The following TTC29 variants were observed in gnomAD, a reference collection of about 807,000 sequenced individuals.
TTC29 encodes tetratricopeptide repeat protein 29.
A neutral mutation model predicts 58.1 loss-of-function variants in TTC29; 49 were observed. The observed-to-expected ratio is 0.84, with a 90% CI of 0.67 to 1.07. The LOEUF (loss-of-function observed/expected upper bound fraction) is 1.07. Ranked by LOEUF, TTC29 falls within the 50% of genes least tolerant of loss-of-function variation. TTC29 has a pLI of 0.00. For synonymous variants in TTC29, 209 were observed against 196.8 expected (o/e 1.06, Z -0.52); for missense variants, 582 against 555.6 (o/e 1.05, Z -0.48).
At chr4:146,911,543 G>A (rs1733898078) in intron 4 of TTC29, among the ~76,000 whole-genome samples, 1 of 152,212 alleles carries the variant, frequency 6.6e-6, no homozygotes, top group African/African-American at 2.4e-5. Flanking sequence ...TTGTCTCACA[G>A]TGCTGTGAAA....
intron 11 of TTC29, among the ~76,000 whole-genome samples, chr4:146,778,143 C>CTTTTA (rs150660995): frequency 0.13 from 19,032 of 151,888 alleles, 1,956 homozygotes; most frequent in African/African-American, 0.28. Flanking sequence ...TATTTATGTT[C>CTTTTA]TTTATTTCCT....
chr4:146,728,184 G>A (rs1743930225), intron 11 of TTC29, among the ~76,000 whole-genome samples: 1 of 151,934 alleles, frequency 6.6e-6, no homozygotes, highest in Non-Finnish European at 1.5e-5. Context: ...CTACTCAGGA[G>A]GCTGAGGCAG....
At chr4:146,917,501 A>T (rs1172761005) in intron 4 of TTC29, among the ~76,000 whole-genome samples, 1 of 147,010 alleles carries the variant, frequency 6.8e-6, no homozygotes, top group African/African-American at 2.4e-5. Context: ...ATATTGTGAT[A>T]TGCTTATATT....
chr4:146,861,315 T>G (rs1171224521), intron 8 of TTC29, among the ~76,000 whole-genome samples: 4 of 152,154 alleles, frequency 2.6e-5, no homozygotes, highest in Non-Finnish European at 5.9e-5. Context: ...CTCTTAAAAT[T>G]TGGAATTTAC....
intron 11 of TTC29, among the ~76,000 whole-genome samples, chr4:146,744,814 T>C (rs1363202866): frequency 1.3e-5 from 2 of 152,220 alleles, no homozygotes; most frequent in Non-Finnish European, 2.9e-5. Context: ...ATGTCTGGCT[T>C]ACAGTTTCTA....
At chr4:146,908,653 T>G (rs1013051737) in intron 5 of TTC29, among the ~76,000 whole-genome samples, 3 of 152,198 alleles carry the variant, frequency 2.0e-5, no homozygotes, top group Non-Finnish European at 2.9e-5. Context: ...ATTTTCAAGT[T>G]ATAGTACTCT....
At chr4:146,871,363 A>C (rs1024564201) in intron 7 of TTC29, among the ~76,000 whole-genome samples, 4 of 151,950 alleles carry the variant, frequency 2.6e-5, no homozygotes, top group Non-Finnish European at 5.9e-5. Context: ...TCTACAAAAA[A>C]ACCCTCAGTA....
intron 4 of TTC29, among the ~76,000 whole-genome samples, chr4:146,925,638 A>C (rs1351320931): frequency 1.3e-5 from 2 of 152,140 alleles, no homozygotes; most frequent in Non-Finnish European, 2.9e-5. Flanking sequence ...CCTTAAGCCA[A>C]ACTAACTTTT....
At chr4:146,885,542 A>G (rs1731925884) in intron 6 of TTC29, among the ~76,000 whole-genome samples, 1 of 152,052 alleles carries the variant, frequency 6.6e-6, no homozygotes, top group Non-Finnish European at 1.5e-5. Flanking sequence ...AAGGCTGTGC[A>G]ATATTTTTGG....
chr4:146,880,386 T>G (rs1731546319), intron 6 of TTC29, among the ~76,000 whole-genome samples: 1 of 152,140 alleles, frequency 6.6e-6, no homozygotes. Context: ...CAAGGGAGTT[T>G]TACTTTATCT....
At chr4:146,817,900 A>G (rs1284612082) in intron 10 of TTC29, among the ~76,000 whole-genome samples, 2 of 152,218 alleles carry the variant, frequency 1.3e-5, no homozygotes, top group African/African-American at 4.8e-5. Flanking sequence ...CTGAAACTGG[A>G]TCCCTTCCTT....
chr4:146,714,910 G>T (rs1253475814), intron 11 of TTC29, among the ~76,000 whole-genome samples: 1 of 152,102 alleles, frequency 6.6e-6, no homozygotes, highest in Non-Finnish European at 1.5e-5. Context: ...GCTTGCTGCA[G>T]CCTTGACCTT....
intron 8 of TTC29, among the ~76,000 whole-genome samples, chr4:146,839,793 A>G (rs910843770): frequency 6.6e-6 from 1 of 151,688 alleles, no homozygotes; most frequent in African/African-American, 2.4e-5. Context: ...ATACCTTGGC[A>G]TCTCTTCTCT....
At chr4:146,861,025 T>C (rs974437846) in intron 8 of TTC29, among the ~76,000 whole-genome samples, 4 of 152,166 alleles carry the variant, frequency 2.6e-5, no homozygotes, top group African/African-American at 9.6e-5. Context: ...TTTCATAGTA[T>C]CATTTTTAAG....
At chr4:146,855,525 A>G (rs1462184252) in intron 8 of TTC29, among the ~76,000 whole-genome samples, 1 of 152,180 alleles carries the variant, frequency 6.6e-6, no homozygotes, top group African/African-American at 2.4e-5. Flanking sequence ...TATTAATGAA[A>G]CTTATGTGTT....
intron 11 of TTC29, among the ~76,000 whole-genome samples, chr4:146,744,989 C>A (rs150421115): frequency 1.2e-4 from 18 of 152,158 alleles, no homozygotes; most frequent in Non-Finnish European, 1.6e-4. Context: ...GAATCCCTGT[C>A]ATTCATCATC....
chr4:146,903,314 A>G (rs1733281851), intron 6 of TTC29, among the ~76,000 whole-genome samples: 1 of 152,116 alleles, frequency 6.6e-6, no homozygotes, highest in Non-Finnish European at 1.5e-5. Context: ...TGGGAACTGT[A>G]GGCTGAGCAC....
chr4:146,823,475 G>T (rs1329602462), intron 9 of TTC29, among the ~76,000 whole-genome samples: 2 of 152,146 alleles, frequency 1.3e-5, no homozygotes, highest in African/African-American at 2.4e-5. Flanking sequence ...GTCTGTTTTG[G>T]TATGAGTACC....
chr4:146,855,781 C>T (rs1729806105), intron 8 of TTC29, among the ~76,000 whole-genome samples: 1 of 152,132 alleles, frequency 6.6e-6, no homozygotes, highest in East Asian at 1.9e-4. Context: ...TACATTATTT[C>T]TTTCTGAAGT....
Sources: allele counts gnomAD v4.1 joint callset (sites outside exome capture counted in the v4.1 genomes callset), GRCh38; gene constraint gnomAD v4.1.1; transcripts MANE v1.5; gene names NCBI Gene and HGNC (gene_info 2026-07-23, HGNC 2026-07-21).